The following ADAMTS18 variants were observed in gnomAD, a reference collection of about 807,000 sequenced individuals.
ADAMTS18 encodes A disintegrin and metalloproteinase with thrombospondin motifs 18.
ADAMTS18 carries 157 observed loss-of-function variants against 165.9 expected under a neutral mutation model. The observed-to-expected ratio is 0.95, with a 90% CI of 0.83 to 1.08. The LOEUF (loss-of-function observed/expected upper bound fraction) is 1.08, where lower values mean the gene tolerates loss of function less well. Among genes scored for constraint, ADAMTS18 ranks in the 50% least tolerant of loss-of-function variants. ADAMTS18 has a pLI of 0.00. For synonymous variants in ADAMTS18, 782 were observed against 578.2 expected (o/e 1.35, Z -5.06); for missense variants, 2,040 against 1,534.0 (o/e 1.33, Z -5.51).
chr16:77,353,675 AG>A, intron 10 of ADAMTS18, 57 bp downstream of exon 10: 1 of 1,610,644 alleles, frequency 6.2e-7, no homozygotes, highest in Non-Finnish European at 8.5e-7. Flanking sequence ...CACTTCTGTT[AG>A]GGACACAGAC....
At chr16:77,337,279 T>C (rs1035624421) in intron 11 of ADAMTS18, among the ~76,000 whole-genome samples, 7 of 152,196 alleles carry the variant, frequency 4.6e-5, no homozygotes, top group African/African-American at 1.4e-4. Flanking sequence ...AGGACTCTAC[T>C]GGACTGAGTT....
At position 77,282,384 on chromosome 16, in the gene ADAMTS18, T is replaced by A. The variant is rs1224268093; in HGVS notation, c.*1572A>T. Reference sequence around the variant, plus strand: ...GCAACGGGGTTGTAGTAGAGAAAATTTTTTTTTTTCCTGTTGATAAAATGG... The same window carrying A: ...GCAACGGGGTTGTAGTAGAGAAAATATTTTTTTTTCCTGTTGATAAAATGG... On this transcript the variant is annotated 3_prime_UTR_variant, in exon 23 of 23. Transcript: ENST00000282849. The A allele has an allele frequency of 6.6e-6, 1 of 150,628 alleles. No homozygotes were observed. The highest frequency in any genetic ancestry group is 6.6e-5 in the Admixed American group (1 of 15,072). The allele number at this position is 150,628 out of a possible 1,614,324, so 9.3% of individuals were successfully genotyped here. A position where few individuals can be genotyped will look rare whatever the true frequency, so the allele number is the denominator to read the frequency against.
chr16:77,379,564 C>A (rs1383432243), intron 3 of ADAMTS18, among the ~76,000 whole-genome samples: 1 of 152,202 alleles, frequency 6.6e-6, no homozygotes, highest in African/African-American at 2.4e-5. Context: ...TTTCGGCTCA[C>A]TGCAACCTCC....
chr16:77,296,930 G>A (rs963968863), intron 18 of ADAMTS18, among the ~76,000 whole-genome samples: 3 of 152,162 alleles, frequency 2.0e-5, no homozygotes, highest in African/African-American at 4.8e-5. Flanking sequence ...AGTACCAAAA[G>A]TAAATTTGTA....
At chr16:77,397,557 C>T (rs766942178) in intron 3 of ADAMTS18, among the ~76,000 whole-genome samples, 6 of 152,172 alleles carry the variant, frequency 3.9e-5, no homozygotes, top group Non-Finnish European at 5.9e-5. Flanking sequence ...GTCATTAACA[C>T]AGTGATGTTA....
intron 3 of ADAMTS18, among the ~76,000 whole-genome samples, chr16:77,395,918 G>T (rs2057251047): frequency 6.6e-6 from 1 of 152,156 alleles, no homozygotes. Context: ...TGATAGTCAT[G>T]ATATTTTCTA....
Position 77,364,208 on chromosome 16 carries a change from T to C in ADAMTS18, c.952A>G (p.Ile318Val), listed in dbSNP as rs2144736612. The C allele has an allele frequency of 2.5e-6, 4 of 1,614,096 alleles. No individual in the cohort carries two copies. The highest frequency in any genetic ancestry group is 3.4e-6 in the Non-Finnish European group (4 of 1,180,006). The change falls in exon 5 of 23, where the codon ATT becomes GTT. Residue 318 changes from isoleucine (I) to valine (V), a missense_variant. Transcript: ENST00000282849. The part of the protein sequence containing the change: ...KHGKGNVTTY[I>V]LTVMNMVSGL... ...CTTACCATGTTCATTACTGTGAGAA[T>C]GTATGTGGTGACATTTCCCTTGCCA...
chr16:77,397,133 A>G (rs1165949361), intron 3 of ADAMTS18, among the ~76,000 whole-genome samples: 3 of 152,066 alleles, frequency 2.0e-5, no homozygotes, highest in Non-Finnish European at 4.4e-5. Flanking sequence ...GGAGACCCAT[A>G]CTGTCCCAAA....
chr16:77,417,515 G>A (rs1043181894), intron 3 of ADAMTS18, among the ~76,000 whole-genome samples: 1 of 152,228 alleles, frequency 6.6e-6, no homozygotes, highest in East Asian at 1.9e-4. Context: ...ATTCAACGAA[G>A]GGACGGCAGA....
At chr16:77,309,253 T>A (rs274533) in intron 16 of ADAMTS18, among the ~76,000 whole-genome samples, 135,752 of 151,858 alleles carry the variant, frequency 0.89, 60,698 homozygotes, top group East Asian at 0.95. Context: ...AATATAACAC[T>A]TGGTCAAGAA....
At chr16:77,409,605 A>G (rs1597239595) in intron 3 of ADAMTS18, among the ~76,000 whole-genome samples, 1 of 152,272 alleles carries the variant, frequency 6.6e-6, no homozygotes, top group African/African-American at 2.4e-5. Context: ...GGGCTTGATG[A>G]CCTACAGTAT....
At chr16:77,393,571 TAA>T (rs2057218314) in intron 3 of ADAMTS18, among the ~76,000 whole-genome samples, 1 of 152,108 alleles carries the variant, frequency 6.6e-6, no homozygotes, top group Non-Finnish European at 1.5e-5. Context: ...AGTGCCCTTA[TAA>T]AAGAGGTCCC....
chr16:77,358,595 A>G (rs558656162), intron 8 of ADAMTS18, among the ~76,000 whole-genome samples: 1 of 152,290 alleles, frequency 6.6e-6, no homozygotes, highest in East Asian at 1.9e-4. Flanking sequence ...ACCAACATAT[A>G]AAAATACCAA....
At chr16:77,358,929 T>G (rs1411981493) in intron 8 of ADAMTS18, among the ~76,000 whole-genome samples, 1 of 152,232 alleles carries the variant, frequency 6.6e-6, no homozygotes, top group Non-Finnish European at 1.5e-5. Context: ...ATTCAGTACA[T>G]GCAGCAAAAG....
intron 3 of ADAMTS18, among the ~76,000 whole-genome samples, chr16:77,375,336 C>T (rs530365181): frequency 1.3e-5 from 2 of 152,058 alleles, no homozygotes; most frequent in East Asian, 1.9e-4. Context: ...TACAAAAAAT[C>T]GCACCACCGC....
chr16:77,344,335 G>C (rs1428828272), intron 10 of ADAMTS18, among the ~76,000 whole-genome samples: 2 of 151,986 alleles, frequency 1.3e-5, no homozygotes, highest in African/African-American at 2.4e-5. Context: ...TCCTAAGCTA[G>C]AATATATACA....
rs751185373 is a variant in ADAMTS18 at position 77,294,951 on chromosome 16, G to A, written c.2978C>T (p.Pro993Leu). 6.2e-7 allele frequency: 1 copy of A among 1,614,036 alleles called. No individual in the cohort carries two copies. Among genetic ancestry groups the A allele is most frequent in the Admixed American group, 1.7e-5 (1 of 59,984 alleles). The change falls in exon 19 of 23, where the codon CCA becomes CTA. Residue 993 changes from proline (P) to leucine (L), a missense_variant. Coordinates refer to ENST00000282849, the MANE Select transcript of ADAMTS18 (RefSeq NM_199355.4). ...VQACNSHACP[P>L]QWSLGPWSQC... is the part of the protein sequence containing the mutation. ...AGACCAGGGTCCAAGGCTCCATTGTGGAGGGCAGGCATGGCTGTTGCAGGC... is the reference window on the plus strand; with the variant it reads ...AGACCAGGGTCCAAGGCTCCATTGTAGAGGGCAGGCATGGCTGTTGCAGGC...
chr16:77,340,001 T>C (rs2056374522), intron 11 of ADAMTS18, among the ~76,000 whole-genome samples: 2 of 152,154 alleles, frequency 1.3e-5, no homozygotes, highest in Non-Finnish European at 2.9e-5. Context: ...CCAACAACCA[T>C]CTTGATGCAT....
chr16:77,385,730 T>C (rs1179522620), intron 3 of ADAMTS18, among the ~76,000 whole-genome samples: 1 of 152,156 alleles, frequency 6.6e-6, no homozygotes, highest in African/African-American at 2.4e-5. Context: ...AGCTGGATGA[T>C]TGACAGGACT....
Sources: gnomAD v4.1 joint callset for allele counts (sites outside exome capture counted in the v4.1 genomes callset) on GRCh38, gnomAD v4.1.1 for gene constraint, MANE v1.5 for transcripts, NCBI Gene and HGNC (gene_info 2026-07-23, HGNC 2026-07-21) for gene names.